SIL1: variants seen among roughly 807,000 people sequenced by gnomAD.
The protein encoded by SIL1 is nucleotide exchange factor SIL1.
SIL1 carries 40 observed loss-of-function variants against 49.1 expected under a neutral mutation model. The observed-to-expected ratio is 0.81, with a 90% CI of 0.63 to 1.06. The LOEUF (loss-of-function observed/expected upper bound fraction) is 1.06, where lower values mean the gene tolerates loss of function less well. SIL1 is among the 50% of genes least tolerant of loss of function. The pLI, the probability that SIL1 is intolerant of heterozygous loss-of-function variation, is 0.00. For synonymous variants in SIL1, 253 were observed against 250.8 expected (o/e 1.01, Z -0.08); for missense variants, 500 against 572.6 (o/e 0.87, Z 1.29).
At chr5:139,092,867 G>A (rs1259910486) in intron 3 of SIL1, among the ~76,000 whole-genome samples, 1 of 152,184 alleles carries the variant, frequency 6.6e-6, no homozygotes, top group African/African-American at 2.4e-5. Flanking sequence ...AAGTTCATGT[G>A]TTGGAAACTT....
chr5:139,013,674 A>G (rs1768334362), intron 7 of SIL1: 1 of 152,242 alleles, frequency 6.6e-6, no homozygotes, highest in African/African-American at 2.4e-5. Flanking sequence ...TTAAGCATTT[A>G]AAGAAATGTT....
chr5:139,048,372 T>G (rs921837123), intron 4 of SIL1, among the ~76,000 whole-genome samples: 3 of 133,282 alleles, frequency 2.3e-5, no homozygotes, highest in African/African-American at 9.1e-5. Context: ...GTTGTTGGTT[T>G]TTTTTTTTTT....
chr5:138,961,306 C>A (rs759687299), intron 7 of SIL1, among the ~76,000 whole-genome samples: 2 of 152,172 alleles, frequency 1.3e-5, no homozygotes, highest in Non-Finnish European at 2.9e-5. Flanking sequence ...ATTTTTCAGA[C>A]CCTGTCTAAT....
chr5:139,173,137 C>T (rs191291301), intron 1 of SIL1, among the ~76,000 whole-genome samples: 73 of 152,134 alleles, frequency 4.8e-4, no homozygotes, highest in South Asian at 3.1e-3. Context: ...TTGAAGAAGC[C>T]GAGTTTTCTA....
At chr5:139,099,937 A>C (rs1022433656) in intron 3 of SIL1, among the ~76,000 whole-genome samples, 1 of 152,194 alleles carries the variant, frequency 6.6e-6, no homozygotes, top group Non-Finnish European at 1.5e-5. Flanking sequence ...GTATAACTGG[A>C]CTGTTCATAA....
intron 7 of SIL1, among the ~76,000 whole-genome samples, chr5:138,958,063 C>A (rs1766940209): frequency 6.6e-6 from 1 of 152,150 alleles, no homozygotes; most frequent in South Asian, 2.1e-4. Flanking sequence ...AGAGCCCTCT[C>A]AATAATATTG....
chr5:139,109,899 G>A (rs1444886776), intron 3 of SIL1, among the ~76,000 whole-genome samples: 3 of 151,500 alleles, frequency 2.0e-5, no homozygotes, highest in African/African-American at 4.9e-5. Flanking sequence ...GGCCAGGCAC[G>A]GAGGCTCACG....
intron 1 of SIL1, among the ~76,000 whole-genome samples, chr5:139,152,909 C>T (rs926216827): frequency 6.6e-6 from 1 of 152,174 alleles, no homozygotes; most frequent in East Asian, 1.9e-4. Flanking sequence ...ACCTCTGCAT[C>T]CCAGGTTCAA....
intron 3 of SIL1, among the ~76,000 whole-genome samples, chr5:139,110,382 C>T (rs1223701267): frequency 6.6e-6 from 1 of 151,956 alleles, no homozygotes; most frequent in Non-Finnish European, 1.5e-5. Flanking sequence ...CTCATTATGG[C>T]CATAGGTAAT....
intron 3 of SIL1, among the ~76,000 whole-genome samples, chr5:139,079,045 A>G (rs748049882): frequency 6.6e-6 from 1 of 152,260 alleles, no homozygotes. Context: ...TAAAATGTTA[A>G]TTTTAATTTG....
At chr5:139,181,889 CA>C (rs924285110) in intron 1 of SIL1, among the ~76,000 whole-genome samples, 5 of 152,208 alleles carry the variant, frequency 3.3e-5, no homozygotes, top group African/African-American at 1.2e-4. Context: ...CAACCCATAG[CA>C]AGGCTTCACT....
chr5:138,968,445 G>C (rs1170662288), intron 7 of SIL1, among the ~76,000 whole-genome samples: 2 of 152,102 alleles, frequency 1.3e-5, no homozygotes, highest in Non-Finnish European at 2.9e-5. Context: ...TCAGTGTGCT[G>C]TGTTCCCCAC....
intron 2 of SIL1, among the ~76,000 whole-genome samples, chr5:139,122,438 C>CA (rs1328134778): frequency 6.6e-6 from 1 of 151,850 alleles, no homozygotes; most frequent in Non-Finnish European, 1.5e-5. Flanking sequence ...ACAAAAAATA[C>CA]AAAAAAATTA....
chr5:139,196,241 A>G (rs1174169851), intron 1 of SIL1, among the ~76,000 whole-genome samples: 1 of 152,150 alleles, frequency 6.6e-6, no homozygotes, highest in Non-Finnish European at 1.5e-5. Flanking sequence ...AAAGAAACTG[A>G]TCTCTCGCAT....
At chr5:139,057,258 A>ATTGTCCTATG (rs1769469562) in intron 3 of SIL1, among the ~76,000 whole-genome samples, 1 of 144,090 alleles carries the variant, frequency 6.9e-6, no homozygotes, top group Non-Finnish European at 1.5e-5. Context: ...TCCCTCCACT[A>ATTGTCCTATG]TTGTCCTATG....
At chr5:138,950,079 G>A (rs1766732772) in intron 9 of SIL1, among the ~76,000 whole-genome samples, 1 of 152,212 alleles carries the variant, frequency 6.6e-6, no homozygotes, top group Non-Finnish European at 1.5e-5. Flanking sequence ...CCTGCCTGGT[G>A]GTAGTGTGCT....
intron 7 of SIL1, among the ~76,000 whole-genome samples, chr5:139,015,355 G>T (rs899362922): frequency 1.3e-5 from 2 of 151,978 alleles, no homozygotes; most frequent in East Asian, 3.8e-4. Flanking sequence ...TCATTTAAAA[G>T]ATCTGAGAGG....
chr5:138,999,377 G>A (rs976526306), intron 7 of SIL1, among the ~76,000 whole-genome samples: 2 of 152,124 alleles, frequency 1.3e-5, no homozygotes, highest in Non-Finnish European at 2.9e-5. Context: ...CTATTGGCTG[G>A]AAACGATGGC....
chr5:138,951,094 C>T, intron 9 of SIL1, 77 bp downstream of exon 9: 1 of 1,515,842 alleles, frequency 6.6e-7, no homozygotes, highest in Non-Finnish European at 9.0e-7. Context: ...TCCGCAGTCT[C>T]TTCCATCTGT....
Sources: allele counts gnomAD v4.1 joint callset (sites outside exome capture counted in the v4.1 genomes callset), GRCh38; gene constraint gnomAD v4.1.1; transcripts MANE v1.5; gene names NCBI Gene and HGNC (gene_info 2026-07-23, HGNC 2026-07-21).